Variants in GOLGA4 observed in about 807,000 individuals in gnomAD.
GOLGA4 encodes golgin A4.
In GOLGA4, 169 loss-of-function variants were observed where a neutral mutation model predicts 265.9. That is an observed-to-expected ratio of 0.64 (90% CI 0.56 to 0.72). The LOEUF is 0.72. Among genes scored for constraint, GOLGA4 ranks in the 30% least tolerant of loss-of-function variants. GOLGA4 has a pLI of 0.00. For missense variants in GOLGA4, 2,482 were observed against 2,483.4 expected (o/e 1.00, Z 0.01); for synonymous variants, 923 against 855.8 (o/e 1.08, Z -1.37).
At chr3:37,249,916 G>C (rs1183661450) in intron 1 of GOLGA4, 3 of 152,186 alleles carry the variant, frequency 2.0e-5, no homozygotes, top group Non-Finnish European at 4.4e-5. Flanking sequence ...TATTTGTGTG[G>C]ATGCATGAAG....
chr3:37,251,331 A>T, intron 1 of GOLGA4, 64 bp from the exon 2 acceptor site: 2 of 969,004 alleles, frequency 2.1e-6, no homozygotes, highest in Non-Finnish European at 3.3e-6. Context: ...GAGAAGGACT[A>T]CCTAGTTCAT....
intron 7 of GOLGA4, 93 bp downstream of exon 7, chr3:37,296,312 A>C: frequency 8.1e-7 from 1 of 1,241,050 alleles, no homozygotes; most frequent in African/African-American, 1.5e-5. Context: ...TTGGGAGGCC[A>C]GTGTGGGAGG....
Position 37,332,676 on chromosome 3 carries a change from C to G in GOLGA4, c.6193-2377C>G, listed in dbSNP as rs193292011. ...AAATTGTACCCATTCCTCCTGTGTTCTGTGTCCTCTCCCTCTTCTCCCTCC... is the reference window on the plus strand; with the variant it reads ...AAATTGTACCCATTCCTCCTGTGTTGTGTGTCCTCTCCCTCTTCTCCCTCC... On this transcript the variant is annotated intron_variant, in intron 16 of 23. Transcript: ENST00000361924. Among the ~76,000 whole-genome samples, 4 of 152,178 alleles carry G rather than the reference C, an allele frequency of 2.6e-5. No homozygotes were observed. The East Asian group carries it at 7.7e-4, about 29-fold the overall frequency.
Position 37,319,162 on chromosome 3 carries a change from A to G in GOLGA4, c.1513A>G (p.Arg505Gly), listed in dbSNP as rs772296925. The change falls in exon 12 of 24, where the codon AGG becomes GGG. Residue 505 changes from arginine to glycine, a missense_variant. Coordinates refer to ENST00000361924, the MANE Select transcript of GOLGA4 (RefSeq NM_002078.5). ...GACCAAGAAGCTTCAGACCCGAGAA[A>G]GGGAATTTCAGGAACAAATGAAAGT... is the stretch of plus-strand genomic sequence containing the variant. The part of the protein sequence containing the change: ...ELTKKLQTRE[R>G]EFQEQMKVAL... The G allele has an allele frequency of 2.5e-6, 4 of 1,610,192 alleles. No homozygotes were observed. Among genetic ancestry groups the G allele is most frequent in the East Asian group, 4.5e-5 (2 of 44,834 alleles).
At position 37,327,668 on chromosome 3, in the gene GOLGA4, C is replaced by G. The variant is rs114450302; in HGVS notation, c.5782C>G (p.Leu1928Val). Residue 1928 changes from leucine to valine, a missense_variant, in exon 14 of 24, where the codon CTG becomes GTG. Physicochemically the swap from Leu to Val is conservative, Grantham distance 32. Transcript: ENST00000361924. ...LSNMEAQHND[L>V]EFKLAGAERE... is the part of the protein sequence containing the mutation. The stretch of plus-strand genomic sequence containing the variant: ...TAACATGGAAGCCCAGCACAATGAT[C>G]TGGAGTTTAAATTAGCCGGGGCAGA... 4,452 of 1,613,914 alleles carry G rather than the reference C, an allele frequency of 2.8e-3. 119 individuals are homozygous for G. In the African/African-American group the frequency reaches 0.051, roughly 19 times the overall value.
At chr3:37,362,780 C>CTTTTTTTTTTTTTTTTGTTTTT (rs1696421864) in intron 23 of GOLGA4, among the ~76,000 whole-genome samples, 1 of 75,464 alleles carries the variant, frequency 1.3e-5, no homozygotes, top group Non-Finnish European at 2.8e-5. Context: ...AGCCTCTAAG[C>CTTTTTTTTTTTTTTTTGTTTTT]TTTTTTTTTT....
At chr3:37,308,706 C>T (rs1052012987) in intron 10 of GOLGA4, among the ~76,000 whole-genome samples, 3 of 151,260 alleles carry the variant, frequency 2.0e-5, no homozygotes, top group South Asian at 2.1e-4. Context: ...ACGTCCGCCT[C>T]CTGGGTTCAA....
chr3:37,364,428 G>T (rs1016697592), intron 23 of GOLGA4, among the ~76,000 whole-genome samples: 8 of 151,522 alleles, frequency 5.3e-5, no homozygotes, highest in South Asian at 2.1e-4. Flanking sequence ...TTTTAGTAGA[G>T]ACCGGGTTTC....
chr3:37,362,249 T>C (rs1696355775), intron 23 of GOLGA4, among the ~76,000 whole-genome samples: 1 of 147,062 alleles, frequency 6.8e-6, no homozygotes, highest in African/African-American at 2.5e-5. Flanking sequence ...TATTTTTTTT[T>C]TTTTTGAGAC....
At chr3:37,246,079 C>T (rs2096718746) in intron 1 of GOLGA4, among the ~76,000 whole-genome samples, 1 of 151,690 alleles carries the variant, frequency 6.6e-6, no homozygotes, top group African/African-American at 2.4e-5. Flanking sequence ...GGCCTGGCAC[C>T]GTGGCTCATG....
intron 22 of GOLGA4, among the ~76,000 whole-genome samples, chr3:37,357,436 T>A (rs948386213): frequency 2.6e-5 from 4 of 152,138 alleles, no homozygotes; most frequent in Non-Finnish European, 5.9e-5. Context: ...TATCCATTCA[T>A]ACATGAATAA....
intron 1 of GOLGA4, among the ~76,000 whole-genome samples, chr3:37,248,984 G>A (rs374325915): frequency 9.2e-5 from 14 of 152,250 alleles, no homozygotes; most frequent in African/African-American, 2.6e-4. Context: ...TATTTCCTGT[G>A]GTCTAGTAGT....
Position 37,323,756 on chromosome 3 carries a change from G to A in GOLGA4, c.1870G>A (p.Asp624Asn). 1.2e-6 allele frequency: 2 copies of A among 1,613,268 alleles called. No homozygotes were observed. The highest frequency in any genetic ancestry group is 8.5e-7 in the Non-Finnish European group (1 of 1,179,822). Residue 624 changes from aspartate to asparagine, a missense_variant, in exon 14 of 24, where the codon GAT (aspartate) becomes AAT (asparagine). Physicochemically the swap from Asp to Asn is conservative, Grantham distance 23. Around this residue, in one of 3 missense-constraint regions of GOLGA4, gnomAD observed 1,536 missense variants for 1,483.7 expected, o/e 1.04. Coordinates refer to ENST00000361924, the MANE Select transcript of GOLGA4 (RefSeq NM_002078.5). ...TELESLKHQQ[D>N]ALWTEKLQVL... ...ATTGGAAAGCCTTAAGCATCAGCAG[G>A]ATGCCCTTTGGACTGAAAAACTCCA...
chr3:37,300,982 T>G (rs2096891189), intron 9 of GOLGA4, among the ~76,000 whole-genome samples: 1 of 152,222 alleles, frequency 6.6e-6, no homozygotes, highest in African/African-American at 2.4e-5. Context: ...TTGAAGAAAC[T>G]GAAAGCCCAT....
intron 2 of GOLGA4, among the ~76,000 whole-genome samples, chr3:37,264,608 A>G (rs2096778608): frequency 6.6e-6 from 1 of 152,168 alleles, no homozygotes; most frequent in South Asian, 2.1e-4. Context: ...TGAAAAGTTT[A>G]TATTCTTAAG....
chr3:37,319,790 A>G (rs1163712602), intron 12 of GOLGA4: 1 of 152,196 alleles, frequency 6.6e-6, no homozygotes, highest in Non-Finnish European at 1.5e-5. Flanking sequence ...TTCATTGTTG[A>G]TGTTCAGTAT....
intron 22 of GOLGA4, among the ~76,000 whole-genome samples, chr3:37,355,645 G>A (rs576199584): frequency 1.3e-5 from 2 of 152,162 alleles, no homozygotes; most frequent in South Asian, 2.1e-4. Flanking sequence ...GATACCTTAT[G>A]GGGGCAATCA....
chr3:37,306,313 T>C (rs1366709852), intron 10 of GOLGA4, among the ~76,000 whole-genome samples: 2 of 152,232 alleles, frequency 1.3e-5, no homozygotes, highest in African/African-American at 4.8e-5. Flanking sequence ...ATAGTGTTTC[T>C]TTCTAGTTGT....
At chr3:37,344,834 AAG>A (rs2097051005) in intron 20 of GOLGA4, among the ~76,000 whole-genome samples, 2 of 152,214 alleles carry the variant, frequency 1.3e-5, no homozygotes, top group Non-Finnish European at 2.9e-5. Flanking sequence ...TTTATAGAAA[AAG>A]AGAATTGGCA....
Sources: gnomAD v4.1 joint callset for allele counts (sites outside exome capture counted in the v4.1 genomes callset) on GRCh38, gnomAD v4.1.1 for gene constraint, gnomAD v4.1.1 regional missense constraint, MANE v1.5 for transcripts, NCBI Gene and HGNC (gene_info 2026-07-23, HGNC 2026-07-21) for gene names.